The following ZMAT4 variants were observed in gnomAD, a reference collection of about 807,000 sequenced individuals.
ZMAT4 encodes zinc finger matrin-type protein 4.
In ZMAT4, 17 loss-of-function variants were observed where a neutral mutation model predicts 28.7. That is an observed-to-expected ratio of 0.59 (90% CI 0.41 to 0.89). The LOEUF is 0.89. Among genes scored for constraint, ZMAT4 ranks in the 40% least tolerant of loss-of-function variants. The pLI, the probability that ZMAT4 is intolerant of heterozygous loss-of-function variation, is 0.00. For missense variants in ZMAT4, 240 were observed against 283.8 expected, an observed-to-expected ratio of 0.85 and a Z score of 1.11; for synonymous variants, 117 against 109.2, an observed-to-expected ratio of 1.07 and a Z score of -0.44.
intron 2 of ZMAT4, among the ~76,000 whole-genome samples, chr8:40,775,647 T>C (rs1288958531): frequency 2.6e-5 from 4 of 152,122 alleles, no homozygotes. Flanking sequence ...CACTAGATAC[T>C]AGCTTGGTAA....
intron 1 of ZMAT4, among the ~76,000 whole-genome samples, chr8:40,852,786 T>A (rs1295123229): frequency 6.6e-6 from 1 of 152,184 alleles, no homozygotes; most frequent in Admixed American, 6.5e-5. Context: ...ATCTTCCAAA[T>A]GTTGATACAT....
intron 5 of ZMAT4, among the ~76,000 whole-genome samples, chr8:40,629,772 T>C (rs930467172): frequency 2.6e-5 from 4 of 152,184 alleles, no homozygotes; most frequent in Non-Finnish European, 5.9e-5. Flanking sequence ...TTCCATGGTG[T>C]ATATGTGCCA....
At chr8:40,545,145 C>T (rs1407125470) in intron 6 of ZMAT4, among the ~76,000 whole-genome samples, 1 of 151,960 alleles carries the variant, frequency 6.6e-6, no homozygotes, top group Non-Finnish European at 1.5e-5. Context: ...CCACAAGGAA[C>T]CAAATCTTTG....
At chr8:40,551,123 C>T (rs894498700) in intron 6 of ZMAT4, among the ~76,000 whole-genome samples, 1 of 152,048 alleles carries the variant, frequency 6.6e-6, no homozygotes, top group Non-Finnish European at 1.5e-5. Context: ...GCCTACAATC[C>T]ATAATGGTTC....
chr8:40,854,748 T>C (rs1332658307), intron 1 of ZMAT4, among the ~76,000 whole-genome samples: 1 of 152,178 alleles, frequency 6.6e-6, no homozygotes, highest in African/African-American at 2.4e-5. Context: ...ACACAGCTCC[T>C]GGCAGTTAAA....
In ZMAT4 at chr8:40,786,715, T is replaced by G. The variant is rs1480648323; in HGVS notation, c.103-18985A>C. ...GGTCAGAATTCACACAGCCACCTTC[T>G]TCAGTGTGACATCTTCTTTTGGCTT... On this transcript the variant is annotated intron_variant, in intron 2 of 6. Coordinates refer to ENST00000297737, the MANE Select transcript of ZMAT4 (RefSeq NM_024645.3). 3 of 1,289,224 alleles carry G rather than the reference T, an allele frequency of 2.3e-6. No individual in the cohort carries two copies. In the African/African-American group the frequency reaches 4.6e-5, roughly 20 times the overall value. The allele number at this position is 1,289,224 out of a possible 1,614,324, so 79.9% of individuals were successfully genotyped here. A position where few individuals can be genotyped will look rare whatever the true frequency, so the allele number is the denominator to read the frequency against.
At chr8:40,856,684 G>A (rs1490624934) in intron 1 of ZMAT4, among the ~76,000 whole-genome samples, 1 of 152,312 alleles carries the variant, frequency 6.6e-6, no homozygotes, top group African/African-American at 2.4e-5. Context: ...ATTTCCCCAG[G>A]TGACATTGGG....
At chr8:40,670,413 A>G (rs189453176) in intron 5 of ZMAT4, among the ~76,000 whole-genome samples, 51 of 152,368 alleles carry the variant, frequency 3.3e-4, no homozygotes, top group Middle Eastern at 6.8e-3. Context: ...TCCTACATGT[A>G]AAAGTTAAAA....
At chr8:40,796,388 A>T (rs1814601227) in intron 2 of ZMAT4, among the ~76,000 whole-genome samples, 1 of 152,182 alleles carries the variant, frequency 6.6e-6, no homozygotes, top group East Asian at 1.9e-4. Context: ...ACAAAAAAAC[A>T]TTGATATTTC....
At chr8:40,691,932 T>C (rs1809682982) in intron 4 of ZMAT4, among the ~76,000 whole-genome samples, 1 of 152,184 alleles carries the variant, frequency 6.6e-6, no homozygotes, top group African/African-American at 2.4e-5. Flanking sequence ...AAAGGAGTTT[T>C]GTAAGATCAA....
chr8:40,700,246 T>TAA (rs113188421), intron 3 of ZMAT4, among the ~76,000 whole-genome samples: 5 of 148,190 alleles, frequency 3.4e-5, no homozygotes, highest in Admixed American at 1.3e-4. Flanking sequence ...ATTGTAAGAT[T>TAA]AAAAAAAAAA....
At chr8:40,826,823 C>T (rs980410156) in intron 1 of ZMAT4, among the ~76,000 whole-genome samples, 8 of 152,130 alleles carry the variant, frequency 5.3e-5, no homozygotes, top group African/African-American at 7.2e-5. Context: ...AGCGATCTGT[C>T]GGAAACGGAT....
chr8:40,844,010 A>G (rs978349987), intron 1 of ZMAT4, among the ~76,000 whole-genome samples: 3 of 152,214 alleles, frequency 2.0e-5, no homozygotes, highest in Non-Finnish European at 4.4e-5. Flanking sequence ...AAATGGAACA[A>G]TTCAGCAAAA....
At chr8:40,825,525 G>C (rs1024509910) in intron 2 of ZMAT4, 50 bp downstream of exon 2, 1 of 1,475,646 alleles carries the variant, frequency 6.8e-7, no homozygotes. Flanking sequence ...ACAATGACCC[G>C]GGCTGCTCCC....
chr8:40,656,166 G>A (rs1807914886), intron 5 of ZMAT4, among the ~76,000 whole-genome samples: 1 of 151,866 alleles, frequency 6.6e-6, no homozygotes, highest in Non-Finnish European at 1.5e-5. Flanking sequence ...TCTCCCAGAA[G>A]AACTACAAAT....
chr8:40,891,783 C>A (rs540992757), intron 1 of ZMAT4, among the ~76,000 whole-genome samples: 4 of 152,298 alleles, frequency 2.6e-5, no homozygotes, highest in African/African-American at 9.6e-5. Context: ...ATGGAAGGGT[C>A]GCGCCTCCCC....
chr8:40,619,013 G>A (rs1317701473), intron 5 of ZMAT4, among the ~76,000 whole-genome samples: 1 of 152,236 alleles, frequency 6.6e-6, no homozygotes. Context: ...GTGTAAAGGA[G>A]TTAATGTTTT....
chr8:40,833,095 C>T (rs548045956), intron 1 of ZMAT4, among the ~76,000 whole-genome samples: 3 of 152,284 alleles, frequency 2.0e-5, no homozygotes, highest in East Asian at 1.9e-4. Flanking sequence ...GGGTGGTTTT[C>T]GTGATCATCT....
chr8:40,614,965 A>G (rs1389905243), intron 5 of ZMAT4, among the ~76,000 whole-genome samples: 3 of 152,214 alleles, frequency 2.0e-5, no homozygotes, highest in African/African-American at 4.8e-5. Context: ...TGATCCTGTC[A>G]TTATGATGTT....
Sources: gnomAD v4.1 joint callset for allele counts (sites outside exome capture counted in the v4.1 genomes callset) on GRCh38, gnomAD v4.1.1 for gene constraint, MANE v1.5 for transcripts, NCBI Gene and HGNC (gene_info 2026-07-23, HGNC 2026-07-21) for gene names.